MAP2: variants seen among roughly 807,000 people sequenced by gnomAD.
MAP2 encodes the protein microtubule-associated protein 2.
In MAP2, 14 loss-of-function variants were observed where a neutral mutation model predicts 137.6. The observed-to-expected ratio is 0.10, with a 90% confidence interval of 0.07 to 0.16. The LOEUF (loss-of-function observed/expected upper bound fraction) is 0.16, where lower values mean the gene tolerates loss of function less well. Ranked by LOEUF, MAP2 falls within the 10% of genes least tolerant of loss-of-function variation. The pLI, the probability that MAP2 is intolerant of heterozygous loss-of-function variation, is 1.00. For missense variants in MAP2, 2,088 were observed against 2,191.5 expected (o/e 0.95, Z 0.94); for synonymous variants, 786 against 782.3 (o/e 1.00, Z -0.08).
Position 209,730,546 on chromosome 2 carries a change from T to A in MAP2, c.*149T>A, listed in dbSNP as rs953432728. ...GTAGTAATTGTTACAATTTTCTATT[T>A]AAAAAATGAATAGTACATGCAGAAA... On this transcript the variant is annotated 3_prime_UTR_variant, in exon 16 of 16. Transcript: ENST00000682079. 3.9e-5 allele frequency: 25 copies of A among 644,660 alleles called. No homozygotes were observed. Among genetic ancestry groups the A allele is most frequent in the Non-Finnish European group, 6.3e-5 (24 of 378,210 alleles). The allele number at this position is 644,660 out of a possible 1,614,324, so 39.9% of individuals were successfully genotyped here. A position where few individuals can be genotyped will look rare whatever the true frequency, so the allele number is the denominator to read the frequency against.
At chr2:209,440,060 A>G (rs886738221) in intron 1 of MAP2, among the ~76,000 whole-genome samples, 4 of 151,534 alleles carry the variant, frequency 2.6e-5, no homozygotes, top group African/African-American at 9.7e-5. Flanking sequence ...TTAAATATTT[A>G]TCCTTGAAAC....
At chr2:209,452,354 C>T (rs1289687771) in intron 1 of MAP2, among the ~76,000 whole-genome samples, 2 of 152,188 alleles carry the variant, frequency 1.3e-5, no homozygotes, top group African/African-American at 2.4e-5. Context: ...CCTGGCAGGT[C>T]CTTCTCTCTA....
chr2:209,677,499 G>C (rs555885698), intron 5 of MAP2, among the ~76,000 whole-genome samples: 2 of 152,074 alleles, frequency 1.3e-5, no homozygotes, highest in South Asian at 4.1e-4. Context: ...CTATAATCAG[G>C]AATGGAATTA....
chr2:209,641,708 G>GA lies in MAP2; in HGVS notation c.-29-11425dup, dbSNP rs113633103. ...TAGGGGTGGGGGGACTTAAAAAAAA[G>GA]AAAAAAAAATTACTGGTAGAGACTA... On this transcript the variant is annotated intron_variant, in intron 4 of 15. Coordinates refer to ENST00000682079, the MANE Select transcript of MAP2 (RefSeq NM_001375505.1). Among the ~76,000 whole-genome samples, 332 of 149,486 alleles carry GA rather than the reference G, an allele frequency of 2.2e-3. 3 individuals are homozygous for GA. The highest frequency in any genetic ancestry group is 7.0e-3 in the African/African-American group (285 of 40,780).
At chr2:209,579,494 T>G (rs903406392) in intron 2 of MAP2, 3 of 152,200 alleles carry the variant, frequency 2.0e-5, no homozygotes, top group Non-Finnish European at 4.4e-5. Flanking sequence ...GAGTGGCTTG[T>G]CATCATTCTC....
chr2:209,709,350 C>T (rs951888559), intron 12 of MAP2, among the ~76,000 whole-genome samples: 1 of 152,086 alleles, frequency 6.6e-6, no homozygotes, highest in African/African-American at 2.4e-5. Context: ...CTGACAGCTT[C>T]CATAAACACA....
At chr2:209,530,336 A>G (rs1321951475) in intron 2 of MAP2, among the ~76,000 whole-genome samples, 1 of 152,192 alleles carries the variant, frequency 6.6e-6, no homozygotes, top group African/African-American at 2.4e-5. Context: ...TCATTATTAA[A>G]AATAAACATG....
chr2:209,459,973 A>G (rs994411142), intron 1 of MAP2, among the ~76,000 whole-genome samples: 1 of 152,190 alleles, frequency 6.6e-6, no homozygotes, highest in African/African-American at 2.4e-5. Flanking sequence ...TGATGAGCAA[A>G]TAAGGCCTGT....
chr2:209,486,239 C>T (rs6755685), intron 1 of MAP2, among the ~76,000 whole-genome samples: 10,982 of 150,350 alleles, frequency 0.073, 521 homozygotes, highest in African/African-American at 0.13. Context: ...GAAATCTTTT[C>T]TTTTTTTTTA....
In MAP2 at chr2:209,433,245, A is replaced by G. The variant is rs117836808; in HGVS notation, c.-222+8969A>G. Among the ~76,000 whole-genome samples, 57 of 152,230 alleles carry G rather than the reference A, an allele frequency of 3.7e-4. 1 individual carries two copies. In the East Asian group the frequency reaches 0.011, roughly 28 times the overall value. The stretch of plus-strand genomic sequence containing the variant: ...AAATGCTGTAGGGAATATACAATAA[A>G]CATATATAATAGAGCTTGTCTGTGA... On this transcript the variant is annotated intron_variant, in intron 1 of 15. Coordinates refer to ENST00000682079, the MANE Select transcript of MAP2 (RefSeq NM_001375505.1).
chr2:209,451,022 C>T (rs1700184868), intron 1 of MAP2, among the ~76,000 whole-genome samples: 1 of 151,570 alleles, frequency 6.6e-6, no homozygotes, highest in African/African-American at 2.4e-5. Context: ...TTCCTTATTT[C>T]TTCTGCTGGG....
chr2:209,616,727 G>A (rs899428504), intron 3 of MAP2, among the ~76,000 whole-genome samples: 4 of 152,150 alleles, frequency 2.6e-5, no homozygotes, highest in African/African-American at 9.7e-5. Context: ...CATTAGTTGG[G>A]GTGGAGTGGG....
chr2:209,500,135 C>T (rs1020921145), intron 1 of MAP2, among the ~76,000 whole-genome samples: 1 of 152,158 alleles, frequency 6.6e-6, no homozygotes, highest in African/African-American at 2.4e-5. Flanking sequence ...TAAGCACTCC[C>T]CTCTCTGATC....
At chr2:209,683,763 A>G (rs2153694904) in intron 7 of MAP2, among the ~76,000 whole-genome samples, 1 of 152,286 alleles carries the variant, frequency 6.6e-6, no homozygotes, top group Non-Finnish European at 1.5e-5. Flanking sequence ...CTTTAATCTG[A>G]GGGTATAGTG....
intron 10 of MAP2, 139 bp downstream of exon 10, chr2:209,697,190 C>T: frequency 2.6e-6 from 2 of 777,420 alleles, no homozygotes; most frequent in Non-Finnish European, 4.0e-6. Context: ...TATTAAGTGT[C>T]TTGTATCATT....
Position 209,730,284 on chromosome 2 carries a change from C to G in MAP2, c.5371C>G (p.Pro1791Ala). The G allele has an allele frequency of 6.2e-7, 1 of 1,614,116 alleles. No individual in the cohort carries two copies. Among genetic ancestry groups the G allele is most frequent in the Non-Finnish European group, 8.5e-7 (1 of 1,179,992 alleles). The change falls in exon 16 of 16, where the codon CCC becomes GCC. Residue 1791 changes from proline (P) to alanine (A), a missense_variant. Pro to Ala is a conservative substitution (Grantham distance 27). Coordinates refer to ENST00000682079, the MANE Select transcript of MAP2 (RefSeq NM_001375505.1). ...QSPGRSSVAS[P>A]RRLSNVSSSG... is the part of the protein sequence containing the mutation. ...CCCAGGCAGATCCAGCGTGGCATCA[C>G]CCCGACGACTCAGCAATGTCTCCTC...
At chr2:209,607,969 G>T (rs1410433929) in intron 3 of MAP2, among the ~76,000 whole-genome samples, 1 of 152,040 alleles carries the variant, frequency 6.6e-6, no homozygotes, top group Non-Finnish European at 1.5e-5. Context: ...TTAGCATTTT[G>T]CTAGATTTCA....
At chr2:209,544,005 G>A (rs13414750) in intron 2 of MAP2, among the ~76,000 whole-genome samples, 9,225 of 152,154 alleles carry the variant, frequency 0.061, 522 homozygotes, top group South Asian at 0.22. Flanking sequence ...CGAGGTGGGC[G>A]GATCACGAGG....
At chr2:209,522,412 TA>T (rs1451497542) in intron 2 of MAP2, among the ~76,000 whole-genome samples, 1 of 152,164 alleles carries the variant, frequency 6.6e-6, no homozygotes, top group Non-Finnish European at 1.5e-5. Flanking sequence ...AAGAGAGACC[TA>T]AATCATATTG....
Sources: allele counts gnomAD v4.1 joint callset (sites outside exome capture counted in the v4.1 genomes callset), GRCh38; gene constraint gnomAD v4.1.1; transcripts MANE v1.5; gene names NCBI Gene and HGNC (gene_info 2026-07-23, HGNC 2026-07-21).